Variants in ADGRL3 observed in about 807,000 individuals in gnomAD.
The protein encoded by ADGRL3 is calcium-independent alpha-latrotoxin receptor 3.
Under a neutral mutation model 153.5 loss-of-function variants are expected in ADGRL3, and 62 were observed. The ratio of observed to expected loss-of-function variants is 0.40; its 90% CI spans 0.33 to 0.50. ADGRL3 has a LOEUF of 0.50. ADGRL3 is among the 20% of genes least tolerant of loss of function. The probability of loss-of-function intolerance (pLI) is 0.47; values close to 1 mark genes in which losing one functional copy is unlikely to be tolerated. For missense variants in ADGRL3, 1,641 were observed against 1,859.4 expected, an observed-to-expected ratio of 0.88 and a Z score of 2.16; for synonymous variants, 710 against 672.5, an observed-to-expected ratio of 1.06 and a Z score of -0.86.
chr4:61,677,934 A>T (rs1468987366), intron 6 of ADGRL3, among the ~76,000 whole-genome samples: 1 of 152,022 alleles, frequency 6.6e-6, no homozygotes, highest in Non-Finnish European at 1.5e-5. Context: ...TTAAAATAAT[A>T]GTGAAAACAA....
At chr4:62,039,569 A>C (rs1727021588) in intron 24 of ADGRL3, among the ~76,000 whole-genome samples, 1 of 152,178 alleles carries the variant, frequency 6.6e-6, no homozygotes, top group East Asian at 1.9e-4. Flanking sequence ...GAGGTTGTAA[A>C]GTTGCAAATC....
rs2099146608 is a variant in ADGRL3 at position 62,003,240 on chromosome 4, A to G, written c.3395+4975A>G. Among the ~76,000 whole-genome samples the G allele has an allele frequency of 3.9e-5, 6 of 152,114 alleles. 1 individual carries two copies. The highest frequency in any genetic ancestry group is 3.9e-4 in the Admixed American group (6 of 15,248). ...TAAAGACTTATGATGTCACCGGGTCATGTTTTCTGATTTCTAGTCTCTCTC... is the reference window on the plus strand; with the variant it reads ...TAAAGACTTATGATGTCACCGGGTCGTGTTTTCTGATTTCTAGTCTCTCTC... On this transcript the variant is annotated intron_variant, in intron 21 of 26. Transcript: ENST00000683033.
At chr4:61,876,942 C>T (rs894789902) in intron 9 of ADGRL3, among the ~76,000 whole-genome samples, 1 of 147,908 alleles carries the variant, frequency 6.8e-6, no homozygotes, top group African/African-American at 2.5e-5. Context: ...GAAATATCCA[C>T]ATCATTGAAG....
intron 2 of ADGRL3, among the ~76,000 whole-genome samples, chr4:61,475,165 T>C (rs1257795729): frequency 6.6e-6 from 1 of 152,210 alleles, no homozygotes. Flanking sequence ...TTGCTTATCA[T>C]TGACTTGCTC....
chr4:62,014,719 T>A (rs1252047530), intron 21 of ADGRL3, among the ~76,000 whole-genome samples: 1 of 152,198 alleles, frequency 6.6e-6, no homozygotes, highest in Non-Finnish European at 1.5e-5. Flanking sequence ...ATTTTACCAC[T>A]GTTCGTAAAA....
chr4:61,294,324 C>G (rs1035462886), intron 1 of ADGRL3, among the ~76,000 whole-genome samples: 1 of 152,080 alleles, frequency 6.6e-6, no homozygotes, highest in Non-Finnish European at 1.5e-5. Flanking sequence ...AAGTATTGAG[C>G]ATTTTATTAT....
chr4:61,690,114 C>T (rs2095513054), intron 6 of ADGRL3, among the ~76,000 whole-genome samples: 1 of 152,074 alleles, frequency 6.6e-6, no homozygotes, highest in Admixed American at 6.6e-5. Context: ...GAAATGTGTT[C>T]AATGCTCCGT....
At chr4:61,923,579 C>T (rs904309712) in intron 13 of ADGRL3, among the ~76,000 whole-genome samples, 1 of 152,096 alleles carries the variant, frequency 6.6e-6, no homozygotes, top group Admixed American at 6.6e-5. Flanking sequence ...GTCTCTGTAC[C>T]TTTATAGTCA....
intron 8 of ADGRL3, among the ~76,000 whole-genome samples, chr4:61,761,826 G>C (rs76074358): frequency 0.027 from 4,053 of 152,230 alleles, 112 homozygotes; most frequent in East Asian, 0.075. Flanking sequence ...AAATCCTCAG[G>C]TGGCTGACGT....
At chr4:61,269,903 T>C (rs1431132216) in intron 1 of ADGRL3, among the ~76,000 whole-genome samples, 1 of 151,614 alleles carries the variant, frequency 6.6e-6, no homozygotes, top group Non-Finnish European at 1.5e-5. Context: ...CCCCTTTCTT[T>C]TACAGATAAA....
intron 6 of ADGRL3, among the ~76,000 whole-genome samples, chr4:61,721,314 C>T (rs2096240627): frequency 6.6e-6 from 1 of 152,152 alleles, no homozygotes; most frequent in Non-Finnish European, 1.5e-5. Context: ...GACAGTGTAG[C>T]CTTCAGTCTG....
Position 61,201,639 on chromosome 4 carries a change from G to C in ADGRL3, c.-366G>C, listed in dbSNP as rs769891774. 1 of 152,616 alleles carries C rather than the reference G, an allele frequency of 6.6e-6. No homozygotes were observed. Among genetic ancestry groups the C allele is most frequent in the Non-Finnish European group, 1.5e-5 (1 of 68,402 alleles). The allele number at this position is 152,616 out of a possible 1,614,324, so 9.5% of individuals were successfully genotyped here. A position where few individuals can be genotyped will look rare whatever the true frequency, so the allele number is the denominator to read the frequency against. On this transcript the variant is annotated 5_prime_UTR_variant, in exon 1 of 27. Transcript: ENST00000683033. ...TCTCGTTATTTGCCGCGTGTGGTTG[G>C]GGGTGTCTGCACAGGGGCCGGCCGG...
chr4:62,012,878 G>A (rs571484354), intron 21 of ADGRL3, among the ~76,000 whole-genome samples: 38 of 152,284 alleles, frequency 2.5e-4, no homozygotes, highest in Non-Finnish European at 1.3e-4. Context: ...TTATTAGTAT[G>A]TAAAGTTAAT....
At chr4:61,357,357 A>G (rs1207427373) in intron 1 of ADGRL3, among the ~76,000 whole-genome samples, 1 of 152,136 alleles carries the variant, frequency 6.6e-6, no homozygotes, top group Non-Finnish European at 1.5e-5. Flanking sequence ...GTTCCATTGT[A>G]GGATAATAGT....
At chr4:61,709,437 T>A (rs2095921226) in intron 6 of ADGRL3, among the ~76,000 whole-genome samples, 1 of 152,166 alleles carries the variant, frequency 6.6e-6, no homozygotes, top group African/African-American at 2.4e-5. Context: ...GTCATGTTAA[T>A]CATTTTGCAT....
intron 1 of ADGRL3, among the ~76,000 whole-genome samples, chr4:61,382,837 T>G (rs2096686741): frequency 6.6e-6 from 1 of 151,816 alleles, no homozygotes; most frequent in South Asian, 2.1e-4. Context: ...AAATTTATAT[T>G]AAAAACTGTT....
intron 2 of ADGRL3, among the ~76,000 whole-genome samples, chr4:61,447,628 G>A (rs1326262310): frequency 6.6e-6 from 1 of 152,100 alleles, no homozygotes; most frequent in African/African-American, 2.4e-5. Flanking sequence ...GCTGCTTTTT[G>A]TTAAATCCAC....
chr4:61,935,884 G>T lies in ADGRL3; in HGVS notation c.2297-39G>T, dbSNP rs772890221. ...TAGGAAATTATTGTAGCTTAGGTATGTTTCTCAATGAGCACTGATATCTCT... is the reference window on the plus strand; with the variant it reads ...TAGGAAATTATTGTAGCTTAGGTATTTTTCTCAATGAGCACTGATATCTCT... On this transcript the variant is annotated intron_variant, in intron 14 of 26. Coordinates refer to ENST00000683033, the MANE Select transcript of ADGRL3 (RefSeq NM_001387552.1). 4 of 1,550,638 alleles carry T rather than the reference G, an allele frequency of 2.6e-6. No individual in the cohort carries two copies. The South Asian group carries it at 4.8e-5, about 19-fold the overall frequency.
At chr4:62,060,495 CT>C (rs1413817502) in intron 25 of ADGRL3, among the ~76,000 whole-genome samples, 1 of 151,536 alleles carries the variant, frequency 6.6e-6, no homozygotes, top group African/African-American at 2.4e-5. Flanking sequence ...TAACTTATAC[CT>C]TTCATTTTCT....
Sources: gnomAD v4.1 joint callset for allele counts (sites outside exome capture counted in the v4.1 genomes callset) on GRCh38, gnomAD v4.1.1 for gene constraint, MANE v1.5 for transcripts, NCBI Gene and HGNC (gene_info 2026-07-23, HGNC 2026-07-21) for gene names.